RBFOX1: variants seen among roughly 807,000 people sequenced by gnomAD.
RBFOX1 encodes the protein RNA binding fox-1 homolog 1, also known as RNA binding protein fox-1 homolog 1.
Under a neutral mutation model 57.7 loss-of-function variants are expected in RBFOX1, and 8 were observed. The ratio of observed to expected loss-of-function variants is 0.14; its 90% CI spans 0.08 to 0.25. The LOEUF is 0.25. Among genes scored for constraint, RBFOX1 ranks in the 10% least tolerant of loss-of-function variants. The pLI, the probability that RBFOX1 is intolerant of heterozygous loss-of-function variation, is 1.00. For missense variants in RBFOX1, 611 were observed against 548.5 expected (o/e 1.11, Z -1.14); for synonymous variants, 326 against 222.4 (o/e 1.47, Z -4.15).
At chr16:7,221,513 C>T (rs183621432) in intron 4 of RBFOX1, among the ~76,000 whole-genome samples, 157 of 152,030 alleles carry the variant, frequency 1.0e-3, no homozygotes, top group African/African-American at 3.7e-3. Context: ...ATTACAGGTG[C>T]GTGCCATCAC....
Position 5,278,021 on chromosome 16 carries a change from G to A in RBFOX1, c.219+37916G>A, listed in dbSNP as rs182266179. On this transcript the variant is annotated intron_variant, in intron 1 of 2. Coordinates refer to the RBFOX1 transcript ENST00000585867. Reference sequence around the variant, plus strand: ...TATCCTTTTTTTTGGATATATACCCGGGAGTGGGATTGCTGGATCATATGG... The same window carrying A: ...TATCCTTTTTTTTGGATATATACCCAGGAGTGGGATTGCTGGATCATATGG... 1.7e-3 allele frequency among the ~76,000 whole-genome samples: 259 copies of A among 152,186 alleles called. 1 individual carries two copies. The highest frequency in any genetic ancestry group is 4.4e-3 in the South Asian group (21 of 4,810).
intron 1 of RBFOX1, among the ~76,000 whole-genome samples, chr16:6,035,364 CT>C (rs1204211246): frequency 1.3e-5 from 2 of 152,232 alleles, no homozygotes; most frequent in Admixed American, 1.3e-4. Flanking sequence ...TGGGCTGCCC[CT>C]TGTGGCAGAT....
intron 3 of RBFOX1, among the ~76,000 whole-genome samples, chr16:5,685,319 C>G (rs939590094): frequency 2.0e-5 from 3 of 152,142 alleles, no homozygotes; most frequent in Non-Finnish European, 2.9e-5. Flanking sequence ...CCACCTGGAC[C>G]TCATAAATAG....
At chr16:6,478,429 A>ATATTTTTTT (rs1159954387) in intron 2 of RBFOX1, among the ~76,000 whole-genome samples, 10 of 24,618 alleles carry the variant, frequency 4.1e-4, no homozygotes, top group Non-Finnish European at 7.0e-4. Flanking sequence ...ATATATATAT[A>ATATTTTTTT]TTTTTTTTTT....
At chr16:6,658,231 A>T (rs181312725) in intron 3 of RBFOX1, among the ~76,000 whole-genome samples, 2 of 151,686 alleles carry the variant, frequency 1.3e-5, no homozygotes, top group Admixed American at 1.3e-4. Context: ...CAACAGTGGA[A>T]GAGAGCCTTC....
At position 7,052,041 on chromosome 16, in the gene RBFOX1, T is replaced by C; in HGVS notation, c.-15-16T>C. On this transcript the variant is annotated splice_polypyrimidine_tract_variant and intron_variant, in intron 3 of 15. Transcript: ENST00000550418. ...GAGCCTTCTGACTTTTCCCCTTCATTTTCTTTTCTTTCTAGGTTTCAAGAC... is the reference window on the plus strand; with the variant it reads ...GAGCCTTCTGACTTTTCCCCTTCATCTTCTTTTCTTTCTAGGTTTCAAGAC... 1 of 1,612,066 alleles carries C rather than the reference T, an allele frequency of 6.2e-7. No individual in the cohort carries two copies. Among genetic ancestry groups the C allele is most frequent in the Admixed American group, 1.7e-5 (1 of 59,790 alleles).
At chr16:7,589,912 G>GGTGGGTGTGTGTGTGT (rs1555639488) in intron 7 of RBFOX1, among the ~76,000 whole-genome samples, 1 of 134,946 alleles carries the variant, frequency 7.4e-6, no homozygotes, top group African/African-American at 2.7e-5. Flanking sequence ...GTGTGTGCTG[G>GGTGGGTGTGTGTGTGT]GTGTGTGTGT....
chr16:5,365,766 C>G (rs1004609810), intron 1 of RBFOX1: 7 of 486,178 alleles, frequency 1.4e-5, no homozygotes, highest in African/African-American at 5.9e-5. Context: ...TGTCCGCCTT[C>G]TCTCCCACCT....
intron 1 of RBFOX1, among the ~76,000 whole-genome samples, chr16:6,089,246 CA>C (rs1359543866): frequency 2.0e-5 from 3 of 152,076 alleles, no homozygotes; most frequent in Admixed American, 1.3e-4. Context: ...AACTGAGTAG[CA>C]GGATATTGAG....
At chr16:6,801,514 T>C (rs2085444358) in intron 3 of RBFOX1, among the ~76,000 whole-genome samples, 1 of 152,112 alleles carries the variant, frequency 6.6e-6, no homozygotes. Flanking sequence ...ATTCTGCTTG[T>C]CATGGGTAAG....
intron 4 of RBFOX1, among the ~76,000 whole-genome samples, chr16:7,184,652 A>G (rs1000829716): frequency 6.7e-6 from 1 of 148,618 alleles, no homozygotes; most frequent in Admixed American, 6.6e-5. Flanking sequence ...GCTTGATCAC[A>G]TGGGTATACC....
intron 3 of RBFOX1, among the ~76,000 whole-genome samples, chr16:6,969,482 C>T (rs888620367): frequency 1.3e-5 from 2 of 151,942 alleles, no homozygotes; most frequent in African/African-American, 4.8e-5. Context: ...TGCCTGTAAT[C>T]CCAGCACTTC....
At chr16:6,848,093 A>G (rs1333351362) in intron 3 of RBFOX1, among the ~76,000 whole-genome samples, 2 of 152,040 alleles carry the variant, frequency 1.3e-5, no homozygotes, top group African/African-American at 2.4e-5. Flanking sequence ...TGGCCTCACA[A>G]AGTGCTGGGA....
At chr16:7,198,048 C>G (rs1602688208) in intron 4 of RBFOX1, among the ~76,000 whole-genome samples, 2 of 128,884 alleles carry the variant, frequency 1.6e-5, no homozygotes, top group East Asian at 2.1e-4. Flanking sequence ...CTCTGTCGCC[C>G]AGGCTGGAAT....
chr16:7,671,743 G>A, intron 13 of RBFOX1: 2 of 747,278 alleles, frequency 2.7e-6, no homozygotes, highest in Non-Finnish European at 2.3e-6. Flanking sequence ...GTTTTAATAT[G>A]AAATCTCCTA....
At chr16:6,856,217 C>T (rs941399319) in intron 3 of RBFOX1, among the ~76,000 whole-genome samples, 16 of 152,064 alleles carry the variant, frequency 1.1e-4, no homozygotes, top group African/African-American at 3.1e-4. Context: ...GTGCCAGCCA[C>T]GAGAAACATC....
intron 3 of RBFOX1, among the ~76,000 whole-genome samples, chr16:5,731,496 A>G (rs1209882220): frequency 6.6e-6 from 1 of 152,220 alleles, no homozygotes; most frequent in Non-Finnish European, 1.5e-5. Context: ...ACACACCCAG[A>G]TGAGTAGGAG....
chr16:6,947,734 G>A (rs913923462), intron 3 of RBFOX1, among the ~76,000 whole-genome samples: 3 of 152,128 alleles, frequency 2.0e-5, no homozygotes, highest in Non-Finnish European at 4.4e-5. Flanking sequence ...GTTTACTTAG[G>A]TGGCTTTCTT....
intron 2 of RBFOX1, among the ~76,000 whole-genome samples, chr16:6,639,447 G>C (rs1430859236): frequency 2.0e-5 from 3 of 152,104 alleles, no homozygotes; most frequent in African/African-American, 7.2e-5. Flanking sequence ...GTAGGGGTCT[G>C]TTTAATTGAC....
Sources: allele counts gnomAD v4.1 joint callset (sites outside exome capture counted in the v4.1 genomes callset), GRCh38; gene constraint gnomAD v4.1.1; transcripts MANE v1.5; gene names NCBI Gene and HGNC (gene_info 2026-07-23, HGNC 2026-07-21).